CEP135: variants seen among roughly 807,000 people sequenced by gnomAD.
CEP135 encodes centrosomal protein 135, also known as centrosomal protein of 135 kDa.
In CEP135, 142 loss-of-function variants were observed where a neutral mutation model predicts 157.3. The ratio of observed to expected loss-of-function variants is 0.90; its 90% CI spans 0.79 to 1.04. The LOEUF is 1.04. Among genes scored for constraint, CEP135 ranks in the 50% least tolerant of loss-of-function variants. CEP135 has a pLI of 0.00. For synonymous variants in CEP135, 396 were observed against 439.8 expected (o/e 0.90, Z 1.25); for missense variants, 1,317 against 1,309.2 (o/e 1.01, Z -0.09).
intron 10 of CEP135, among the ~76,000 whole-genome samples, chr4:55,973,176 T>G (rs1483104628): frequency 6.6e-6 from 1 of 152,156 alleles, no homozygotes; most frequent in Non-Finnish European, 1.5e-5. Context: ...AGCCAAACAG[T>G]TTACCTTCTC....
chr4:56,026,835 G>C (rs1013626376), intron 25 of CEP135, among the ~76,000 whole-genome samples: 2 of 152,216 alleles, frequency 1.3e-5, no homozygotes, highest in African/African-American at 2.4e-5. Context: ...GGCTTTGACA[G>C]GTAGTGACTG....
chr4:55,956,914 G>T (rs940413161), intron 4 of CEP135, among the ~76,000 whole-genome samples: 10 of 152,016 alleles, frequency 6.6e-5, no homozygotes, highest in Non-Finnish European at 1.5e-4. Context: ...ATACCTGGCC[G>T]CATTCAGCTT....
chr4:55,962,260 C>T (rs1295192914), intron 6 of CEP135, among the ~76,000 whole-genome samples: 3 of 152,208 alleles, frequency 2.0e-5, no homozygotes, highest in Middle Eastern at 3.4e-3. Context: ...CCACCACACC[C>T]GGCTAATTGT....
Position 56,024,568 on chromosome 4 carries a change from T to C in CEP135, c.3388T>C (p.Ser1130Pro), listed in dbSNP as rs1356355472. 2.5e-6 allele frequency: 4 copies of C among 1,613,586 alleles called. No homozygotes were observed. In the Admixed American group the frequency reaches 5.0e-5, roughly 20 times the overall value. ...ACCACCCCTTAGTTCCACTCTGAGG[T>C]CTCCTTCACATTCTCCTGAACATAG... ...ATPPLSSTLR[S>P]PSHSPEHRNV is the part of the protein sequence containing the mutation. The change falls in exon 25 of 26, where the codon TCT becomes CCT. Residue 1130 changes from serine (S) to proline (P), a missense_variant. By Grantham distance (74) the Ser-to-Pro change is moderately conservative. Coordinates refer to ENST00000257287, the MANE Select transcript of CEP135 (RefSeq NM_025009.5).
intron 10 of CEP135, among the ~76,000 whole-genome samples, chr4:55,973,030 A>G (rs1387141752): frequency 6.7e-6 from 1 of 148,716 alleles, no homozygotes; most frequent in Non-Finnish European, 1.5e-5. Flanking sequence ...AAACTGTGTG[A>G]AAAAAAAAAA....
At chr4:56,003,166 A>G (rs1379406557) in intron 17 of CEP135, among the ~76,000 whole-genome samples, 2 of 151,834 alleles carry the variant, frequency 1.3e-5, no homozygotes, top group African/African-American at 4.8e-5. Context: ...TTAAAAACCA[A>G]CTTTTCATTT....
intron 9 of CEP135, among the ~76,000 whole-genome samples, chr4:55,970,026 A>G (rs919732418): frequency 7.2e-6 from 1 of 138,898 alleles, no homozygotes. Flanking sequence ...GGCATGTGCC[A>G]CCGTGCCTAG....
chr4:56,031,433 G>A lies in CEP135; in HGVS notation c.*85G>A, dbSNP rs760436865. 6.6e-6 allele frequency: 1 copy of A among 152,510 alleles called. No individual in the cohort carries two copies. Among genetic ancestry groups the A allele is most frequent in the East Asian group, 1.9e-4 (1 of 5,198 alleles). The allele number at this position is 152,510 out of a possible 1,614,324, so 9.4% of individuals were successfully genotyped here. On this transcript the variant is annotated 3_prime_UTR_variant, in exon 26 of 26. Transcript: ENST00000257287. Reference sequence around the variant, plus strand: ...CAGTAATGAAATATTTGAAGTACTTGTTGCTGAAAATCATGAACATGGACA... The same window carrying A: ...CAGTAATGAAATATTTGAAGTACTTATTGCTGAAAATCATGAACATGGACA...
chr4:55,985,840 T>G (rs1308732357), intron 14 of CEP135, among the ~76,000 whole-genome samples: 3 of 152,252 alleles, frequency 2.0e-5, no homozygotes, highest in East Asian at 3.9e-4. Context: ...CTTGGGAGGC[T>G]GAGGTGGGAG....
At chr4:55,994,604 A>G (rs772064422) in intron 15 of CEP135, among the ~76,000 whole-genome samples, 2 of 150,278 alleles carry the variant, frequency 1.3e-5, no homozygotes, top group Admixed American at 6.6e-5. Context: ...CTTTTTCCCT[A>G]TCTTCTTTTT....
chr4:55,959,636 A>T (rs746305130), intron 5 of CEP135, 46 bp from the exon 6 acceptor site: 7 of 1,491,282 alleles, frequency 4.7e-6, no homozygotes, highest in Non-Finnish European at 6.5e-6. Context: ...CTTATTTTGT[A>T]TTTCTTAACA....
chr4:55,949,851 C>G (rs1397123481), intron 1 of CEP135, among the ~76,000 whole-genome samples: 2 of 152,148 alleles, frequency 1.3e-5, no homozygotes, highest in African/African-American at 2.4e-5. Context: ...TTTAATCCGT[C>G]CTGTGTATTG....
chr4:55,965,452 T>C (rs1728811452), intron 7 of CEP135, 192 bp from the exon 8 acceptor site: 1 of 462,356 alleles, frequency 2.2e-6, no homozygotes, highest in South Asian at 2.8e-5. Flanking sequence ...TCAAAGTCAA[T>C]GGATATGTAC....
At chr4:55,990,875 T>C (rs1729766035) in intron 14 of CEP135, among the ~76,000 whole-genome samples, 1 of 152,248 alleles carries the variant, frequency 6.6e-6, no homozygotes, top group South Asian at 2.1e-4. Context: ...AAAAATGCTA[T>C]CTTTTCTAAA....
intron 15 of CEP135, among the ~76,000 whole-genome samples, chr4:55,998,359 C>T (rs1730048186): frequency 6.6e-6 from 1 of 152,134 alleles, no homozygotes; most frequent in African/African-American, 2.4e-5. Context: ...GTTAAACCTT[C>T]CAGGAACGTT....
Position 55,965,870 on chromosome 4 carries a change from A to T in CEP135, c.1044+11A>T, listed in dbSNP as rs762297106. On this transcript the variant is annotated intron_variant, in intron 8 of 25. Coordinates refer to ENST00000257287, the MANE Select transcript of CEP135 (RefSeq NM_025009.5). The stretch of plus-strand genomic sequence containing the variant: ...CTTGGGGAAGCAAAGGTAATGAATG[A>T]TATGTGTAGATTGTGAGAGTGTTCA... 2 of 1,592,344 alleles carry T rather than the reference A, an allele frequency of 1.3e-6. No individual in the cohort carries two copies. Among genetic ancestry groups the T allele is most frequent in the Non-Finnish European group, 8.6e-7 (1 of 1,161,926 alleles).
At chr4:55,950,206 G>C (rs1271691466) in intron 1 of CEP135, among the ~76,000 whole-genome samples, 1 of 152,202 alleles carries the variant, frequency 6.6e-6, no homozygotes, top group Non-Finnish European at 1.5e-5. Context: ...AGGAGACCTG[G>C]TCTCTGATGA....
chr4:56,015,407 A>G (rs1273463544), intron 21 of CEP135, among the ~76,000 whole-genome samples: 1 of 152,180 alleles, frequency 6.6e-6, no homozygotes, highest in Non-Finnish European at 1.5e-5. Context: ...GGCTACCACC[A>G]CAAGCCCAGA....
rs746682447 is a variant in CEP135 at position 55,964,247 on chromosome 4, A to G, written c.700-27A>G. ...CATTTGGTTGAAAACCAGATTTTTTAAAATGACAGCATGACTATATCTTCA... is the reference window on the plus strand; with the variant it reads ...CATTTGGTTGAAAACCAGATTTTTTGAAATGACAGCATGACTATATCTTCA... On this transcript the variant is annotated intron_variant, in intron 6 of 25. Transcript: ENST00000257287. 1.6e-5 allele frequency: 25 copies of G among 1,576,448 alleles called. No individual in the cohort carries two copies. In the East Asian group the frequency reaches 5.4e-4, roughly 34 times the overall value.
Sources: gnomAD v4.1 joint callset for allele counts (sites outside exome capture counted in the v4.1 genomes callset) on GRCh38, gnomAD v4.1.1 for gene constraint, MANE v1.5 for transcripts, NCBI Gene and HGNC (gene_info 2026-07-23, HGNC 2026-07-21) for gene names.